Variants in STAC observed in about 807,000 individuals in gnomAD.
The protein encoded by STAC is SH3 and cysteine-rich domain-containing protein.
In STAC, 43 loss-of-function variants were observed where a neutral mutation model predicts 48.8. The ratio of observed to expected loss-of-function variants is 0.88; its 90% CI spans 0.69 to 1.14. The LOEUF is 1.14. STAC is among the 50% of genes most tolerant of loss of function. The pLI is 0.00. For missense variants in STAC, 497 were observed against 504.0 expected, an observed-to-expected ratio of 0.99 and a Z score of 0.13; for synonymous variants, 193 against 179.5, an observed-to-expected ratio of 1.07 and a Z score of -0.60.
chr3:36,521,906 C>A (rs756858333), intron 8 of STAC, among the ~76,000 whole-genome samples: 23 of 151,894 alleles, frequency 1.5e-4, no homozygotes, highest in Non-Finnish European at 2.9e-4. Flanking sequence ...CCAGCCTGGG[C>A]AACATCGTGA....
chr3:36,462,517 A>G (rs769555506), intron 2 of STAC, among the ~76,000 whole-genome samples: 1 of 152,180 alleles, frequency 6.6e-6, no homozygotes, highest in African/African-American at 2.4e-5. Context: ...AAGAGGACCA[A>G]TGACTGAGCC....
chr3:36,530,874 A>G (rs1699049422), intron 10 of STAC, among the ~76,000 whole-genome samples: 1 of 152,162 alleles, frequency 6.6e-6, no homozygotes, highest in African/African-American at 2.4e-5. Context: ...CTGGGATTAC[A>G]GGCGTGAGCC....
chr3:36,498,685 T>G (rs1191264573), intron 6 of STAC, among the ~76,000 whole-genome samples: 1 of 151,960 alleles, frequency 6.6e-6, no homozygotes, highest in African/African-American at 2.4e-5. Flanking sequence ...CCTGGGAGTT[T>G]GAGGCTGCAG....
intron 9 of STAC, 49 bp from the exon 10 acceptor site, chr3:36,528,799 T>A: frequency 6.2e-7 from 1 of 1,607,722 alleles, no homozygotes. Flanking sequence ...TTGGTAACTA[T>A]TATAATACAT....
chr3:36,398,691 AAAGAAAGAAAG>A (rs1336492847), intron 1 of STAC, among the ~76,000 whole-genome samples: 1 of 133,046 alleles, frequency 7.5e-6, no homozygotes, highest in African/African-American at 2.8e-5. Context: ...GAAAGAAAGA[AAAGAAAGAAAG>A]AAAGAAAGAG....
intron 1 of STAC, among the ~76,000 whole-genome samples, chr3:36,397,431 A>G (rs1699876915): frequency 6.6e-6 from 1 of 152,206 alleles, no homozygotes; most frequent in South Asian, 2.1e-4. Flanking sequence ...ATCTGAGTGG[A>G]TCTTTTTAAG....
At chr3:36,395,004 T>C (rs1699827346) in intron 1 of STAC, among the ~76,000 whole-genome samples, 1 of 148,126 alleles carries the variant, frequency 6.8e-6, no homozygotes, top group South Asian at 2.1e-4. Flanking sequence ...AAAAGGTTAA[T>C]AGGAGAATCA....
In STAC at chr3:36,493,970, G is replaced by A. The variant is rs989077788; in HGVS notation, c.766+741G>A. 2.0e-5 allele frequency among the ~76,000 whole-genome samples: 3 copies of A among 151,272 alleles called. No individual in the cohort carries two copies. The East Asian group carries it at 5.9e-4, about 30-fold the overall frequency. ...TCGAGACCATCCTGGCTAACACGGT[G>A]AAACCCCGTCTCTACTAAAAATACA... On this transcript the variant is annotated intron_variant, in intron 6 of 10. Transcript: ENST00000273183.
chr3:36,515,553 G>A (rs1390241026), intron 8 of STAC, among the ~76,000 whole-genome samples: 1 of 152,166 alleles, frequency 6.6e-6, no homozygotes, highest in Admixed American at 6.5e-5. Flanking sequence ...ATTCTTGTGA[G>A]ACTTTGATTA....
chr3:36,484,882 C>T (rs1697759656), intron 3 of STAC, 95 bp from the exon 4 acceptor site: 13 of 941,410 alleles, frequency 1.4e-5, no homozygotes, highest in East Asian at 5.9e-5. Flanking sequence ...GAGGGTGCTC[C>T]TGGAGAAACC....
At chr3:36,411,266 A>G (rs573309898) in intron 1 of STAC, among the ~76,000 whole-genome samples, 3 of 152,350 alleles carry the variant, frequency 2.0e-5, no homozygotes, top group South Asian at 2.1e-4. Context: ...GGTTCTTTCT[A>G]TAAGTCATAA....
At chr3:36,503,759 C>T (rs1021881430) in intron 6 of STAC, among the ~76,000 whole-genome samples, 1 of 151,918 alleles carries the variant, frequency 6.6e-6, no homozygotes, top group Non-Finnish European at 1.5e-5. Flanking sequence ...GAAGACTTGT[C>T]CACTATCAAA....
At chr3:36,533,121 G>A (rs1313746604) in intron 10 of STAC, among the ~76,000 whole-genome samples, 2 of 152,186 alleles carry the variant, frequency 1.3e-5, no homozygotes, top group Non-Finnish European at 2.9e-5. Context: ...ACTCTGAACA[G>A]TAAAGAGCAG....
intron 6 of STAC, among the ~76,000 whole-genome samples, chr3:36,503,296 A>G (rs535280375): frequency 4.6e-4 from 70 of 152,340 alleles, no homozygotes; most frequent in Non-Finnish European, 8.7e-4. Context: ...AAGCTATGAC[A>G]TAAGTTATGG....
At chr3:36,535,223 T>A (rs1230735188) in intron 10 of STAC, among the ~76,000 whole-genome samples, 1 of 152,144 alleles carries the variant, frequency 6.6e-6, no homozygotes. Context: ...TATTTTAGAC[T>A]CTTTGTAGCG....
At chr3:36,498,156 T>A (rs1477679669) in intron 6 of STAC, among the ~76,000 whole-genome samples, 1 of 152,156 alleles carries the variant, frequency 6.6e-6, no homozygotes, top group Non-Finnish European at 1.5e-5. Context: ...TATAATTGTA[T>A]ACATTTAAAA....
Position 36,517,792 on chromosome 3 carries a change from G to A in STAC, c.921-10904G>A, listed in dbSNP as rs1171924725. On this transcript the variant is annotated intron_variant, in intron 8 of 10. Transcript: ENST00000273183. Reference sequence around the variant, plus strand: ...AGACCATATGTCACATCATCCTTCTGGCCAAGTGGGTGTGTACATGTGTGT... The same window carrying A: ...AGACCATATGTCACATCATCCTTCTAGCCAAGTGGGTGTGTACATGTGTGT... Among the ~76,000 whole-genome samples the A allele has an allele frequency of 3.3e-5, 5 of 152,122 alleles. No individual in the cohort carries two copies. In the East Asian group the frequency reaches 9.6e-4, roughly 29 times the overall value.
At chr3:36,427,033 C>T (rs539849342) in intron 1 of STAC, among the ~76,000 whole-genome samples, 1 of 152,362 alleles carries the variant, frequency 6.6e-6, no homozygotes, top group South Asian at 2.1e-4. Context: ...CACAAACACC[C>T]CAGCTAAGGC....
At chr3:36,520,753 T>C (rs1408881583) in intron 8 of STAC, among the ~76,000 whole-genome samples, 1 of 152,192 alleles carries the variant, frequency 6.6e-6, no homozygotes, top group Non-Finnish European at 1.5e-5. Flanking sequence ...AACCCAGATC[T>C]TCCCAAATGT....
Sources: allele counts gnomAD v4.1 joint callset (sites outside exome capture counted in the v4.1 genomes callset), GRCh38; gene constraint gnomAD v4.1.1; transcripts MANE v1.5; gene names NCBI Gene and HGNC (gene_info 2026-07-23, HGNC 2026-07-21).